MGLL: variants seen among roughly 807,000 people sequenced by gnomAD.
MGLL encodes monoglyceride lipase.
MGLL carries 7 observed loss-of-function variants against 29.1 expected under a neutral mutation model. The ratio of observed to expected loss-of-function variants is 0.24; its 90% CI spans 0.14 to 0.45. The LOEUF (loss-of-function observed/expected upper bound fraction) is 0.45, where lower values mean the gene tolerates loss of function less well. Among genes scored for constraint, MGLL ranks in the 20% least tolerant of loss-of-function variants. The pLI, the probability that MGLL is intolerant of heterozygous loss-of-function variation, is 0.99. For missense variants in MGLL, 356 were observed against 413.6 expected, an observed-to-expected ratio of 0.86 and a Z score of 1.21; for synonymous variants, 148 against 168.3, an observed-to-expected ratio of 0.88 and a Z score of 0.93.
chr3:127,788,187 G>A (rs766770169), intron 2 of MGLL, among the ~76,000 whole-genome samples: 2 of 152,206 alleles, frequency 1.3e-5, no homozygotes, highest in African/African-American at 2.4e-5. Flanking sequence ...CCAGCATGCT[G>A]CCTGGTACAG....
intron 3 of MGLL, among the ~76,000 whole-genome samples, chr3:127,731,563 A>C (rs2076150798): frequency 6.6e-6 from 1 of 152,102 alleles, no homozygotes; most frequent in South Asian, 2.1e-4. Context: ...GCTCCAGGCC[A>C]CTGTCCCCCT....
chr3:127,780,313 T>C (rs2077101106), intron 3 of MGLL, among the ~76,000 whole-genome samples: 1 of 152,200 alleles, frequency 6.6e-6, no homozygotes, highest in Admixed American at 6.5e-5. Context: ...ATAGTACAAA[T>C]ATCCTTTTCC....
chr3:127,755,954 C>T (rs1472154780), intron 3 of MGLL, among the ~76,000 whole-genome samples: 1 of 152,180 alleles, frequency 6.6e-6, no homozygotes, highest in African/African-American at 2.4e-5. Flanking sequence ...GAGCACTCTA[C>T]CTCCCAGCCT....
intron 2 of MGLL, among the ~76,000 whole-genome samples, chr3:127,808,165 T>C (rs1028868476): frequency 2.0e-5 from 3 of 152,170 alleles, no homozygotes; most frequent in Non-Finnish European, 4.4e-5. Flanking sequence ...TCCAGATCTA[T>C]GATGATTCTT....
chr3:127,753,190 G>C (rs2076590911), intron 3 of MGLL, among the ~76,000 whole-genome samples: 1 of 152,214 alleles, frequency 6.6e-6, no homozygotes. Context: ...GAGCTGCAGA[G>C]CAACCTCCCC....
At chr3:127,738,922 G>A (rs371160652) in intron 3 of MGLL, among the ~76,000 whole-genome samples, 49 of 152,316 alleles carry the variant, frequency 3.2e-4, no homozygotes, top group Non-Finnish European at 6.3e-4. Flanking sequence ...ACGGCCACAC[G>A]CAACCAGTGG....
intron 2 of MGLL, among the ~76,000 whole-genome samples, chr3:127,803,485 T>C (rs1356972738): frequency 1.3e-5 from 2 of 152,170 alleles, no homozygotes; most frequent in African/African-American, 4.8e-5. Flanking sequence ...TCACACCATA[T>C]GGGATGCTTT....
chr3:127,722,711 G>T, intron 3 of MGLL, 145 bp from the exon 4 acceptor site: 3 of 1,171,612 alleles, frequency 2.6e-6, no homozygotes, highest in Non-Finnish European at 2.5e-6. Flanking sequence ...ACTCTTGAAC[G>T]TTGGAATTCT....
intron 3 of MGLL, among the ~76,000 whole-genome samples, chr3:127,774,781 C>T (rs534480309): frequency 1.3e-5 from 2 of 152,282 alleles, no homozygotes; most frequent in East Asian, 3.9e-4. Flanking sequence ...CCACAGCAGA[C>T]CAACTGAATC....
intron 6 of MGLL, among the ~76,000 whole-genome samples, chr3:127,701,909 A>C (rs1327019699): frequency 6.6e-6 from 1 of 152,138 alleles, no homozygotes; most frequent in African/African-American, 2.4e-5. Flanking sequence ...ACAGGTGCCC[A>C]GACACCCTCG....
intron 3 of MGLL, among the ~76,000 whole-genome samples, chr3:127,764,760 G>A (rs1410050871): frequency 1.3e-5 from 2 of 152,184 alleles, no homozygotes; most frequent in Admixed American, 1.3e-4. Context: ...GCATGAAACT[G>A]TGACTGGAGT....
chr3:127,694,949 G>T, intron 7 of MGLL, 26 bp downstream of exon 7: 1 of 1,608,980 alleles, frequency 6.2e-7, no homozygotes, highest in South Asian at 1.1e-5. Flanking sequence ...ACCTTGGGGG[G>T]AAGTGGGCAA....
At chr3:127,802,772 G>T (rs2077499290) in intron 2 of MGLL, among the ~76,000 whole-genome samples, 1 of 152,184 alleles carries the variant, frequency 6.6e-6, no homozygotes, top group South Asian at 2.1e-4. Context: ...CCTCTGAGGC[G>T]ACATTTAGAT....
At chr3:127,775,715 C>A (rs1559962230) in intron 3 of MGLL, among the ~76,000 whole-genome samples, 1 of 152,210 alleles carries the variant, frequency 6.6e-6, no homozygotes, top group Non-Finnish European at 1.5e-5. Flanking sequence ...CTTCTCTGGC[C>A]CCAGCAAGTG....
At chr3:127,756,876 G>A (rs887101326) in intron 3 of MGLL, among the ~76,000 whole-genome samples, 1 of 152,162 alleles carries the variant, frequency 6.6e-6, no homozygotes, top group African/African-American at 2.4e-5. Flanking sequence ...TGATGACGCA[G>A]ACCTAGGTCA....
At chr3:127,759,499 G>A (rs942666323) in intron 3 of MGLL, among the ~76,000 whole-genome samples, 1 of 152,210 alleles carries the variant, frequency 6.6e-6, no homozygotes, top group African/African-American at 2.4e-5. Context: ...GCTCAAGAGG[G>A]ATGTCTGTGT....
At chr3:127,802,117 G>T (rs1225313483) in intron 2 of MGLL, among the ~76,000 whole-genome samples, 2 of 152,110 alleles carry the variant, frequency 1.3e-5, no homozygotes, top group East Asian at 3.9e-4. Context: ...GGCCGGGTTG[G>T]GCACCCTGAG....
intron 2 of MGLL, among the ~76,000 whole-genome samples, chr3:127,812,555 A>G (rs193078098): frequency 6.6e-6 from 1 of 152,370 alleles, no homozygotes; most frequent in African/African-American, 2.4e-5. Context: ...TGTCAAAAGC[A>G]TGATTGCTTT....
chr3:127,739,442 A>C (rs1316776531), intron 3 of MGLL, among the ~76,000 whole-genome samples: 1 of 152,246 alleles, frequency 6.6e-6, no homozygotes, highest in Admixed American at 6.5e-5. Context: ...GAAATAATTA[A>C]GTATTATTAG....
Sources: allele counts gnomAD v4.1 joint callset (sites outside exome capture counted in the v4.1 genomes callset), GRCh38; gene constraint gnomAD v4.1.1; transcripts MANE v1.5; gene names NCBI Gene and HGNC (gene_info 2026-07-23, HGNC 2026-07-21).